Variants in ZNF609 observed in about 807,000 individuals in gnomAD.
ZNF609 encodes zinc finger protein 609.
A neutral mutation model predicts 109.5 loss-of-function variants in ZNF609; 11 were observed. That is an observed-to-expected ratio of 0.10 (90% CI 0.06 to 0.17). The LOEUF (loss-of-function observed/expected upper bound fraction) is 0.17. Ranked by LOEUF, ZNF609 falls within the 10% of genes least tolerant of loss-of-function variation. The pLI, the probability that ZNF609 is intolerant of heterozygous loss-of-function variation, is 1.00. For missense variants in ZNF609, 1,559 were observed against 1,772.4 expected (o/e 0.88, Z 2.16); for synonymous variants, 646 against 662.0 (o/e 0.98, Z 0.37).
At chr15:64,500,522 G>A in intron 2 of ZNF609, 1 of 613,476 alleles carries the variant, frequency 1.6e-6, no homozygotes. Flanking sequence ...TTCCCAGCTT[G>A]ACTGGCATTT....
chr15:64,490,889 A>C (rs1033440835), intron 1 of ZNF609, among the ~76,000 whole-genome samples: 6 of 152,218 alleles, frequency 3.9e-5, no homozygotes, highest in African/African-American at 1.4e-4. Flanking sequence ...TTGTTGGAGA[A>C]TAGCAGCCTT....
intron 3 of ZNF609, among the ~76,000 whole-genome samples, chr15:64,630,545 A>G (rs189899739): frequency 2.0e-4 from 30 of 152,254 alleles, no homozygotes; most frequent in Admixed American, 1.9e-3. Flanking sequence ...TTACTACCAT[A>G]TAAGTCCCTT....
chr15:64,498,238 C>T (rs1191632767), intron 1 of ZNF609, among the ~76,000 whole-genome samples: 5 of 152,010 alleles, frequency 3.3e-5, no homozygotes, highest in South Asian at 4.1e-4. Context: ...TTAGTAGAGA[C>T]GGGGTTTCAC....
intron 2 of ZNF609, among the ~76,000 whole-genome samples, chr15:64,553,112 C>T (rs1047062475): frequency 1.3e-5 from 2 of 152,104 alleles, no homozygotes; most frequent in African/African-American, 4.8e-5. Flanking sequence ...TCTGATTTGT[C>T]TATCTTAGTT....
At chr15:64,606,817 A>G (rs1352134826) in intron 2 of ZNF609, among the ~76,000 whole-genome samples, 2 of 151,994 alleles carry the variant, frequency 1.3e-5, no homozygotes, top group South Asian at 2.1e-4. Flanking sequence ...AGTCTGGCCA[A>G]CATGGTGAAA....
intron 4 of ZNF609, among the ~76,000 whole-genome samples, chr15:64,672,960 C>G (rs1178814631): frequency 1.5e-5 from 2 of 133,254 alleles, no homozygotes; most frequent in East Asian, 4.0e-4. Flanking sequence ...AAGACTCCAT[C>G]TCAAAAAAAA....
chr15:64,653,470 C>A (rs1022191879), intron 3 of ZNF609, among the ~76,000 whole-genome samples: 4 of 152,144 alleles, frequency 2.6e-5, no homozygotes, highest in African/African-American at 4.8e-5. Flanking sequence ...CACGGTGAAA[C>A]CCCATCTCTA....
chr15:64,680,242 G>T lies in ZNF609; in HGVS notation c.3827G>T (p.Gly1276Val). Residue 1276 changes from glycine (G) to valine (V), a missense_variant, in exon 7 of 10, where the codon GGT becomes GTT. Physicochemically the swap from Gly to Val is moderately radical, Grantham distance 109. Coordinates refer to ENST00000326648, the MANE Select transcript of ZNF609 (RefSeq NM_015042.2). ...FSPYGSKVSG[G>V]EDADKARASP... Reference sequence around the variant, plus strand: ...CCATATGGCAGCAAGGTCTCAGGTGGTGAAGATGCTGACAAGGCACGAGCC... The same window carrying T: ...CCATATGGCAGCAAGGTCTCAGGTGTTGAAGATGCTGACAAGGCACGAGCC... 1 of 1,614,104 alleles carries T rather than the reference G, an allele frequency of 6.2e-7. No homozygotes were observed. The highest frequency in any genetic ancestry group is 8.5e-7 in the Non-Finnish European group (1 of 1,180,016).
chr15:64,495,183 A>G (rs573206212), intron 1 of ZNF609, among the ~76,000 whole-genome samples: 73 of 152,358 alleles, frequency 4.8e-4, no homozygotes, highest in African/African-American at 1.6e-3. Context: ...TATCAGCTTT[A>G]TAACTTACGG....
intron 1 of ZNF609, among the ~76,000 whole-genome samples, chr15:64,490,369 G>A (rs1893397689): frequency 6.6e-6 from 1 of 151,006 alleles, no homozygotes; most frequent in African/African-American, 2.4e-5. Context: ...CACCTCGCGG[G>A]TTCAAGTGAT....
chr15:64,650,622 G>GCTA (rs2140997117), intron 3 of ZNF609, among the ~76,000 whole-genome samples: 1 of 152,208 alleles, frequency 6.6e-6, no homozygotes, highest in South Asian at 2.1e-4. Context: ...GGCAGCCAGT[G>GCTA]AATCAGAAAT....
intron 6 of ZNF609, among the ~76,000 whole-genome samples, chr15:64,679,023 G>A (rs1348895441): frequency 6.6e-6 from 1 of 152,224 alleles, no homozygotes; most frequent in Non-Finnish European, 1.5e-5. Context: ...GGGAGGTCCT[G>A]CTAGATTCAG....
At chr15:64,628,900 C>T (rs1253570997) in intron 3 of ZNF609, among the ~76,000 whole-genome samples, 1 of 152,114 alleles carries the variant, frequency 6.6e-6, no homozygotes, top group Non-Finnish European at 1.5e-5. Flanking sequence ...GCTGGGATTA[C>T]AGGCGTGAGC....
chr15:64,678,027 C>A, intron 5 of ZNF609, 89 bp from the exon 6 acceptor site: 1 of 1,503,520 alleles, frequency 6.7e-7, no homozygotes, highest in Non-Finnish European at 8.9e-7. Context: ...TACTAATTAT[C>A]TGCTCTGGTG....
intron 2 of ZNF609, among the ~76,000 whole-genome samples, chr15:64,530,554 A>G (rs747415757): frequency 2.0e-5 from 3 of 152,234 alleles, no homozygotes; most frequent in Admixed American, 6.5e-5. Context: ...AGTTAGCTCA[A>G]TGCTTAATAT....
At chr15:64,564,939 C>T (rs778687798) in intron 2 of ZNF609, among the ~76,000 whole-genome samples, 25 of 152,078 alleles carry the variant, frequency 1.6e-4, no homozygotes, top group Non-Finnish European at 3.1e-4. Flanking sequence ...GCTCCACCTC[C>T]CAGGTTCACG....
chr15:64,648,524 A>G (rs924840290), intron 3 of ZNF609, among the ~76,000 whole-genome samples: 1 of 152,048 alleles, frequency 6.6e-6, no homozygotes, highest in Non-Finnish European at 1.5e-5. Context: ...TTTAGTTGAG[A>G]GTCATATTGA....
chr15:64,556,656 C>T (rs1045038808), intron 2 of ZNF609, among the ~76,000 whole-genome samples: 1 of 152,176 alleles, frequency 6.6e-6, no homozygotes, highest in African/African-American at 2.4e-5. Context: ...CTTTACTAGT[C>T]TTTCACATAA....
chr15:64,570,919 G>C (rs1265108905), intron 2 of ZNF609, among the ~76,000 whole-genome samples: 1 of 152,054 alleles, frequency 6.6e-6, no homozygotes, highest in Non-Finnish European at 1.5e-5. Context: ...CCAGCTACTC[G>C]GGAGGCTGAG....
Sources: gnomAD v4.1 joint callset for allele counts (sites outside exome capture counted in the v4.1 genomes callset) on GRCh38, gnomAD v4.1.1 for gene constraint, MANE v1.5 for transcripts, NCBI Gene and HGNC (gene_info 2026-07-23, HGNC 2026-07-21) for gene names.